The following AKT3 variants were observed in gnomAD, a reference collection of about 807,000 sequenced individuals.
The protein encoded by AKT3 is RAC-gamma serine/threonine-protein kinase.
A neutral mutation model predicts 65.3 loss-of-function variants in AKT3; 15 were observed. That is an observed-to-expected ratio of 0.23 (90% CI 0.15 to 0.35). The LOEUF is 0.35. Ranked by LOEUF, AKT3 falls within the 10% of genes least tolerant of loss-of-function variation. The pLI is 1.00. For synonymous variants in AKT3, 206 were observed against 183.8 expected, an observed-to-expected ratio of 1.12 and a Z score of -0.98; for missense variants, 243 against 576.5, an observed-to-expected ratio of 0.42 and a Z score of 5.92.
At chr1:243,833,493 G>C (rs961121017) in intron 2 of AKT3, among the ~76,000 whole-genome samples, 1 of 150,622 alleles carries the variant, frequency 6.6e-6, no homozygotes, top group Non-Finnish European at 1.5e-5. Context: ...ACAGCATGGG[G>C]GAAACTGCCC....
intron 2 of AKT3, among the ~76,000 whole-genome samples, chr1:243,728,403 T>A (rs1460878219): frequency 6.6e-6 from 1 of 152,196 alleles, no homozygotes; most frequent in Non-Finnish European, 1.5e-5. Flanking sequence ...AAACTCTATC[T>A]ATAGGTTGTG....
Position 243,748,785 on chromosome 1 carries a change from T to C in AKT3, c.47-53069A>G, listed in dbSNP as rs142645546. ...ATTTCTGGATAATAATTGATCTGCA[T>C]AGGCTATTAAAAATTGCCTGTTTAT... is the stretch of plus-strand genomic sequence containing the variant. On this transcript the variant is annotated intron_variant, in intron 2 of 13. Coordinates refer to ENST00000673466, the MANE Select transcript of AKT3 (RefSeq NM_005465.7). 3.0e-3 allele frequency among the ~76,000 whole-genome samples: 458 copies of C among 152,274 alleles called. 5 individuals carry two copies. The highest frequency in any genetic ancestry group is 0.01 in the African/African-American group (421 of 41,560).
At chr1:243,632,977 C>T (rs557200436) in intron 6 of AKT3, among the ~76,000 whole-genome samples, 2 of 152,248 alleles carry the variant, frequency 1.3e-5, no homozygotes, top group Admixed American at 6.5e-5. Flanking sequence ...CAAGACCACT[C>T]GAACTTTTTC....
chr1:243,630,948 T>C (rs1301030090), intron 6 of AKT3, among the ~76,000 whole-genome samples: 2 of 151,020 alleles, frequency 1.3e-5, no homozygotes, highest in African/African-American at 4.8e-5. Context: ...CAAGAACCAA[T>C]GTTTCATGTC....
chr1:243,645,942 T>C lies in AKT3; in HGVS notation c.380A>G (p.Asn127Ser). 6.2e-7 allele frequency: 1 copy of C among 1,612,862 alleles called. No individual in the cohort carries two copies. Among genetic ancestry groups the C allele is most frequent in the Non-Finnish European group, 8.5e-7 (1 of 1,179,018 alleles). The change falls in exon 5 of 14, where the codon AAT (asparagine) becomes AGT (serine). Residue 127 changes from asparagine to serine, a missense_variant. Asn to Ser is a conservative substitution (Grantham distance 46). This residue lies in a region of AKT3 where 72 missense variants were observed against 86.0 expected (regional missense o/e 0.84). Transcript: ENST00000673466. ...MNCSPTSQID[N>S]IGEEEMDAST... is the part of the protein sequence containing the mutation. ...GGCATCCATCTCTTCCTCTCCTATA[T>C]TATCAATTTGTGAAGTTGGACTACA...
chr1:243,723,907 A>G (rs1404695990), intron 2 of AKT3, among the ~76,000 whole-genome samples: 1 of 152,174 alleles, frequency 6.6e-6, no homozygotes, highest in Admixed American at 6.5e-5. Flanking sequence ...AGACAGAGTA[A>G]TATCTGTCTG....
At chr1:243,596,986 A>C (rs1336615079) in intron 8 of AKT3, among the ~76,000 whole-genome samples, 1 of 152,270 alleles carries the variant, frequency 6.6e-6, no homozygotes, top group Non-Finnish European at 1.5e-5. Context: ...ATTTTTAAAA[A>C]GATGAATCAA....
chr1:243,666,959 T>C (rs1183237294), intron 3 of AKT3, among the ~76,000 whole-genome samples: 3 of 152,328 alleles, frequency 2.0e-5, no homozygotes, highest in East Asian at 1.9e-4. Context: ...GAGTATCTAC[T>C]GTGCATGTTG....
chr1:243,827,956 T>G (rs1196363746), intron 2 of AKT3, among the ~76,000 whole-genome samples: 1 of 152,072 alleles, frequency 6.6e-6, no homozygotes, highest in East Asian at 1.9e-4. Flanking sequence ...AAGAGAAATA[T>G]CATAATGAAA....
chr1:243,588,826 C>T (rs1675994649), intron 8 of AKT3, among the ~76,000 whole-genome samples: 1 of 152,090 alleles, frequency 6.6e-6, no homozygotes, highest in South Asian at 2.1e-4. Context: ...TGATATTGGT[C>T]TTGGCAAGTA....
intron 2 of AKT3, among the ~76,000 whole-genome samples, chr1:243,777,808 G>A (rs1049012226): frequency 9.9e-5 from 15 of 152,164 alleles, no homozygotes; most frequent in African/African-American, 2.2e-4. Context: ...CTGATTCCTC[G>A]TTCAAAAGCA....
At chr1:243,787,217 T>G (rs955654438) in intron 2 of AKT3, among the ~76,000 whole-genome samples, 2 of 152,216 alleles carry the variant, frequency 1.3e-5, no homozygotes, top group Non-Finnish European at 2.9e-5. Flanking sequence ...AACTTTAACC[T>G]AGTAAGACAA....
At chr1:243,511,259 A>G (rs557594739) in intron 13 of AKT3, among the ~76,000 whole-genome samples, 5 of 152,350 alleles carry the variant, frequency 3.3e-5, no homozygotes, top group African/African-American at 9.6e-5. Flanking sequence ...TAAAGAAAGA[A>G]AAGCACACAC....
chr1:243,630,581 GC>G (rs1679535141), intron 6 of AKT3, among the ~76,000 whole-genome samples: 1 of 152,008 alleles, frequency 6.6e-6, no homozygotes, highest in South Asian at 2.1e-4. Flanking sequence ...TGTCCTCTAG[GC>G]CCATGGTGGC....
chr1:243,642,170 T>C (rs1315852750), intron 5 of AKT3, among the ~76,000 whole-genome samples: 1 of 152,226 alleles, frequency 6.6e-6, no homozygotes, highest in Non-Finnish European at 1.5e-5. Context: ...ATTAAAAAGG[T>C]ATTTTTGCTA....
chr1:243,520,483 CTT>C (rs1297497339), intron 12 of AKT3, among the ~76,000 whole-genome samples: 2 of 152,218 alleles, frequency 1.3e-5, no homozygotes, highest in Non-Finnish European at 2.9e-5. Flanking sequence ...ATCTTCATCT[CTT>C]CTTTTCCTCT....
At chr1:243,589,950 T>C (rs995504425) in intron 8 of AKT3, among the ~76,000 whole-genome samples, 2 of 152,212 alleles carry the variant, frequency 1.3e-5, no homozygotes, top group Admixed American at 1.3e-4. Context: ...TGTGACAACA[T>C]GGATGAACCT....
At chr1:243,523,260 AACACACACACACACACACACAC>A (rs547403507) in intron 12 of AKT3, among the ~76,000 whole-genome samples, 16 of 126,398 alleles carry the variant, frequency 1.3e-4, no homozygotes, top group Admixed American at 1.0e-3. Context: ...AAAAAGGACG[AACACACACACACACACACACAC>A]ACACACACAC....
At chr1:243,509,000 T>A (rs1475236295) in intron 13 of AKT3, among the ~76,000 whole-genome samples, 1 of 152,116 alleles carries the variant, frequency 6.6e-6, no homozygotes, top group Non-Finnish European at 1.5e-5. Context: ...GTCCTACAAT[T>A]GCAGGTGGAT....
Sources: allele counts gnomAD v4.1 joint callset (sites outside exome capture counted in the v4.1 genomes callset), GRCh38; gene constraint gnomAD v4.1.1; regional missense constraint gnomAD v4.1.1; transcripts MANE v1.5; gene names NCBI Gene and HGNC (gene_info 2026-07-23, HGNC 2026-07-21).